Variants in KANK1 observed in about 807,000 individuals in gnomAD.
KANK1 encodes the protein KN motif and ankyrin repeat domains 1, also known as KN motif and ankyrin repeat domain-containing protein 1.
Under a neutral mutation model 106.2 loss-of-function variants are expected in KANK1, and 109 were observed. The ratio of observed to expected loss-of-function variants is 1.03; its 90% CI spans 0.88 to 1.20. The LOEUF (loss-of-function observed/expected upper bound fraction) is 1.20, where lower values mean the gene tolerates loss of function less well. KANK1 is among the 50% of genes most tolerant of loss of function. KANK1 has a pLI of 0.00. For missense variants in KANK1, 2,399 were observed against 1,710.7 expected, an observed-to-expected ratio of 1.40 and a Z score of -7.10; for synonymous variants, 873 against 652.2, an observed-to-expected ratio of 1.34 and a Z score of -5.16.
At chr9:649,121 C>T (rs1218424359) in intron 1 of KANK1, among the ~76,000 whole-genome samples, 1 of 152,096 alleles carries the variant, frequency 6.6e-6, no homozygotes, top group Admixed American at 6.5e-5. Context: ...TATTAAGTCT[C>T]CTGGCATATA....
chr9:578,443 A>G (rs1291605420), intron 1 of KANK1, among the ~76,000 whole-genome samples: 1 of 151,950 alleles, frequency 6.6e-6, no homozygotes, highest in Non-Finnish European at 1.5e-5. Flanking sequence ...TTCATTTCTT[A>G]TTAATCCTGA....
chr9:531,368 C>T (rs1176429841), intron 1 of KANK1, among the ~76,000 whole-genome samples: 2 of 152,072 alleles, frequency 1.3e-5, no homozygotes, highest in African/African-American at 2.4e-5. Context: ...GAGGTGGAGG[C>T]TGCAGTGAGC....
At chr9:696,174 C>T (rs557390778) in intron 2 of KANK1, among the ~76,000 whole-genome samples, 6 of 152,014 alleles carry the variant, frequency 3.9e-5, no homozygotes, top group Non-Finnish European at 8.8e-5. Flanking sequence ...GTCCCAGCTA[C>T]TCGGGAGGCT....
At chr9:497,409 C>G (rs1007804010) in intron 3 of KANK1, among the ~76,000 whole-genome samples, 3 of 150,132 alleles carry the variant, frequency 2.0e-5, no homozygotes, top group African/African-American at 7.6e-5. Flanking sequence ...CTCATTGGTG[C>G]TCAGGTATGC....
At chr9:541,814 G>A (rs1258520547) in intron 1 of KANK1, among the ~76,000 whole-genome samples, 4 of 152,220 alleles carry the variant, frequency 2.6e-5, no homozygotes, top group Non-Finnish European at 5.9e-5. Flanking sequence ...AACAGGCCGG[G>A]CGCGGTGGCT....
chr9:630,222 T>C (rs1276456540), intron 1 of KANK1, among the ~76,000 whole-genome samples: 1 of 150,574 alleles, frequency 6.6e-6, no homozygotes, highest in Non-Finnish European at 1.5e-5. Flanking sequence ...CATTCCAGCC[T>C]GGGCAACAGA....
intron 1 of KANK1, among the ~76,000 whole-genome samples, chr9:636,355 G>T (rs1017409355): frequency 1.3e-5 from 2 of 152,202 alleles, no homozygotes. Context: ...TGCTGATCAT[G>T]CAGGGTATGT....
intron 10 of KANK1, among the ~76,000 whole-genome samples, chr9:742,958 C>T (rs1193802596): frequency 1.3e-5 from 2 of 152,232 alleles, no homozygotes; most frequent in African/African-American, 4.8e-5. Context: ...GTCCCATCAA[C>T]ACCACTCTGC....
intron 3 of KANK1, among the ~76,000 whole-genome samples, chr9:496,449 C>T (rs922647240): frequency 6.6e-6 from 1 of 152,082 alleles, no homozygotes; most frequent in African/African-American, 2.4e-5. Context: ...GCCAGCTACT[C>T]GGGAGGCTGA....
chr9:651,455 G>A (rs1240204899), intron 1 of KANK1, among the ~76,000 whole-genome samples: 1 of 152,130 alleles, frequency 6.6e-6, no homozygotes, highest in African/African-American at 2.4e-5. Flanking sequence ...TTTCTTCTGT[G>A]ACTTACTGGC....
intron 1 of KANK1, among the ~76,000 whole-genome samples, chr9:508,015 T>C (rs2058846155): frequency 6.6e-6 from 1 of 151,180 alleles, no homozygotes; most frequent in Non-Finnish European, 1.5e-5. Context: ...GAGACGGGGG[T>C]TTTACCATGT....
At position 711,355 on chromosome 9, in the gene KANK1, CCTT is replaced by C. The variant is rs781727306; in HGVS notation, c.593_595del (p.Ser198del). ...AGGCATGGGCACCACAAGCTCCCTC[CCTT>C]CTTTTGTGGGTTCTGGAAACCACAA... On this transcript the variant is annotated inframe_deletion, in exon 3 of 12. Transcript: ENST00000382297. 1.9e-5 allele frequency: 31 copies of C among 1,614,048 alleles called. No homozygotes were observed. The African/African-American group carries it at 3.2e-4, about 17-fold the overall frequency.
chr9:489,027 T>C (rs983163931), intron 3 of KANK1: 6 of 152,260 alleles, frequency 3.9e-5, no homozygotes, highest in African/African-American at 1.2e-4. Flanking sequence ...TGAGGATGCT[T>C]GATCCATTGT....
At chr9:531,343 G>T (rs562584132) in intron 1 of KANK1, among the ~76,000 whole-genome samples, 1 of 152,058 alleles carries the variant, frequency 6.6e-6, no homozygotes, top group African/African-American at 2.4e-5. Context: ...AGGTGCGAGG[G>T]TTGCTTAAAC....
chr9:603,333 C>G (rs779771292), intron 1 of KANK1, among the ~76,000 whole-genome samples: 13 of 151,844 alleles, frequency 8.6e-5, no homozygotes, highest in Non-Finnish European at 1.5e-4. Context: ...GACTTTGACC[C>G]TGAATGTGTA....
intron 1 of KANK1, among the ~76,000 whole-genome samples, chr9:513,591 T>C (rs922491993): frequency 6.6e-6 from 1 of 152,228 alleles, no homozygotes; most frequent in African/African-American, 2.4e-5. Flanking sequence ...ATAACCTCTT[T>C]TGATATTTGT....
intron 9 of KANK1, among the ~76,000 whole-genome samples, chr9:741,581 G>A (rs1046693694): frequency 2.7e-5 from 4 of 150,100 alleles, no homozygotes; most frequent in Admixed American, 6.7e-5. Flanking sequence ...TCTGCCTCCC[G>A]GGTTCACACC....
chr9:504,517 C>A (rs1033504776), upstream of KANK1, among the ~76,000 whole-genome samples: 1 of 149,666 alleles, frequency 6.7e-6, no homozygotes, highest in African/African-American at 2.5e-5. Context: ...TTCGCCGGCC[C>A]GCGCCGTTCT....
At chr9:607,974 C>T (rs1340998998) in intron 1 of KANK1, among the ~76,000 whole-genome samples, 1 of 149,824 alleles carries the variant, frequency 6.7e-6, no homozygotes, top group Non-Finnish European at 1.5e-5. Flanking sequence ...TTATCTAGTA[C>T]CATGGAATCT....
Sources: gnomAD v4.1 joint callset for allele counts (sites outside exome capture counted in the v4.1 genomes callset) on GRCh38, gnomAD v4.1.1 for gene constraint, MANE v1.5 for transcripts, NCBI Gene and HGNC (gene_info 2026-07-23, HGNC 2026-07-21) for gene names.